The following TMTC1 variants were observed in gnomAD, a reference collection of about 807,000 sequenced individuals.
TMTC1 encodes the protein protein O-mannosyl-transferase TMTC1.
TMTC1 carries 73 observed loss-of-function variants against 104.8 expected under a neutral mutation model. That is an observed-to-expected ratio of 0.70 (90% CI 0.58 to 0.85). The LOEUF is 0.85. Among genes scored for constraint, TMTC1 ranks in the 40% least tolerant of loss-of-function variants. The pLI is 0.00. For missense variants in TMTC1, 1,035 were observed against 1,096.1 expected (o/e 0.94, Z 0.79); for synonymous variants, 434 against 428.7 (o/e 1.01, Z -0.15).
At chr12:29,674,588 C>T (rs1940650248) in intron 5 of TMTC1, among the ~76,000 whole-genome samples, 2 of 152,336 alleles carry the variant, frequency 1.3e-5, no homozygotes, top group Admixed American at 1.3e-4. Context: ...ACTCTTCTTG[C>T]TGACGGGACT....
intron 10 of TMTC1, among the ~76,000 whole-genome samples, 191 bp downstream of exon 10, chr12:29,556,666 C>T (rs931750997): frequency 2.0e-5 from 3 of 152,162 alleles, no homozygotes; most frequent in African/African-American, 7.2e-5. Context: ...CAGAAAGACA[C>T]TCTGGGAAAT....
rs562051504 is a variant in TMTC1, at chr12:29,737,139, G to A, written c.938+14527C>T. ...ATGACTTTCTGAAAAGTGCTGAGCC[G>A]GGTGCTCTGAACAGAGACATCCTAT... On this transcript the variant is annotated intron_variant, in intron 5 of 17. Coordinates refer to ENST00000539277, the MANE Select transcript of TMTC1 (RefSeq NM_001193451.2). Among the ~76,000 whole-genome samples the A allele has an allele frequency of 1.3e-4, 20 of 152,322 alleles. No homozygotes were observed. In the South Asian group the frequency reaches 2.7e-3, roughly 20 times the overall value.
chr12:29,517,513 T>G lies in TMTC1; in HGVS notation c.2083A>C (p.Asn695His). Reference protein sequence around the residue: ...ILSPLGALYYNTGRYEEALQI... With the variant: ...ILSPLGALYYHTGRYEEALQI... ...AAAGCCTCTTCGTATCGGCCAGTGTTGTAATACAGTGCTCCCAAAGGTGAC... is the reference window on the plus strand; with the variant it reads ...AAAGCCTCTTCGTATCGGCCAGTGTGGTAATACAGTGCTCCCAAAGGTGAC... Residue 695 changes from asparagine to histidine, a missense_variant, in exon 14 of 18, where the codon AAC (asparagine) becomes CAC (histidine). Physicochemically the swap from Asn to His is moderately conservative, Grantham distance 68 (BLOSUM62 1). Transcript: ENST00000539277. 6.2e-7 allele frequency: 1 copy of G among 1,614,172 alleles called. No homozygotes were observed. The highest frequency in any genetic ancestry group is 8.5e-7 in the Non-Finnish European group (1 of 1,180,026).
rs111725518 is a variant in TMTC1 at position 29,518,625 on chromosome 12, T to C, written c.1889-18A>G. On this transcript the variant is annotated intron_variant, in intron 12 of 17. Coordinates refer to ENST00000539277, the MANE Select transcript of TMTC1 (RefSeq NM_001193451.2). Reference sequence around the variant, plus strand: ...TGGTAAGCCTGTAACCAGTGACAGGTTGGTAAGAGCAGAACATGCCTTTTT... The same window carrying C: ...TGGTAAGCCTGTAACCAGTGACAGGCTGGTAAGAGCAGAACATGCCTTTTT... The C allele has an allele frequency of 9.2e-5, 148 of 1,613,462 alleles. 1 individual carries two copies. The highest frequency in any genetic ancestry group is 1.3e-4 in the Non-Finnish European group (148 of 1,179,714).
Position 29,692,500 on chromosome 12 carries a change from G to A in TMTC1, c.939-59164C>T, listed in dbSNP as rs1485012988. 5.5e-5 allele frequency among the ~76,000 whole-genome samples: 8 copies of A among 145,014 alleles called. 3 individuals carry two copies. The highest frequency in any genetic ancestry group is 2.0e-4 in the African/African-American group (8 of 39,584). ...CATAATCAAAGAGGTAGACAATAAG[G>A]AGTACTGGTGAAAATGTGGGGAAAC... On this transcript the variant is annotated intron_variant, in intron 5 of 17. Coordinates refer to ENST00000539277, the MANE Select transcript of TMTC1 (RefSeq NM_001193451.2).
At chr12:29,523,788 CG>C (rs1944255578) in intron 11 of TMTC1, among the ~76,000 whole-genome samples, 1 of 151,986 alleles carries the variant, frequency 6.6e-6, no homozygotes, top group Non-Finnish European at 1.5e-5. Context: ...AAAGAAAATT[CG>C]CGTCTATTTT....
intron 2 of TMTC1, among the ~76,000 whole-genome samples, chr12:29,762,968 G>GCTGTTGAGCCTAGCT (rs1943386266): frequency 6.6e-6 from 1 of 152,240 alleles, no homozygotes; most frequent in Non-Finnish European, 1.5e-5. Flanking sequence ...TAGCTCTCTA[G>GCTGTTGAGCCTAGCT]CAACAGTCTT....
Position 29,752,014 on chromosome 12 carries a change from T to C in TMTC1, c.732-142A>G, listed in dbSNP as rs1024026864. ...AAGTCTTTAGCCCTTGTGTTTCTGA[T>C]ATTTACTGCCATATTATTAAAACAA... On this transcript the variant is annotated intron_variant, in intron 4 of 17. Coordinates refer to ENST00000539277, the MANE Select transcript of TMTC1 (RefSeq NM_001193451.2). 78 of 753,746 alleles carry C rather than the reference T, an allele frequency of 1.0e-4. No homozygotes were observed. In the Admixed American group the frequency reaches 1.7e-3, roughly 17 times the overall value. The allele number at this position is 753,746 out of a possible 1,614,324, so 46.7% of individuals were successfully genotyped here.
At chr12:29,760,271 T>A (rs1371195290) in intron 2 of TMTC1, among the ~76,000 whole-genome samples, 2 of 152,206 alleles carry the variant, frequency 1.3e-5, no homozygotes, top group African/African-American at 4.8e-5. Context: ...TACATACATA[T>A]ATACAGCAAG....
chr12:29,690,599 A>G (rs190834695), intron 5 of TMTC1, among the ~76,000 whole-genome samples: 3 of 152,226 alleles, frequency 2.0e-5, no homozygotes, highest in South Asian at 4.1e-4. Flanking sequence ...ACTCATTTTT[A>G]TATGTAAATT....
intron 5 of TMTC1, among the ~76,000 whole-genome samples, chr12:29,648,165 T>A (rs566648919): frequency 1.3e-5 from 2 of 152,280 alleles, no homozygotes; most frequent in South Asian, 2.1e-4. Flanking sequence ...ATCTATTCCA[T>A]CACTTTTCAA....
intron 5 of TMTC1, among the ~76,000 whole-genome samples, chr12:29,710,634 AT>A (rs1432399583): frequency 7.1e-6 from 1 of 141,392 alleles, no homozygotes; most frequent in Non-Finnish European, 1.5e-5. Context: ...ATATTTTTAT[AT>A]TTATGTTATA....
At chr12:29,515,614 G>A (rs1186474744) in intron 15 of TMTC1, among the ~76,000 whole-genome samples, 1 of 152,090 alleles carries the variant, frequency 6.6e-6, no homozygotes, top group Non-Finnish European at 1.5e-5. Flanking sequence ...AGACTCATCG[G>A]GTCCCCTGAT....
intron 5 of TMTC1, among the ~76,000 whole-genome samples, chr12:29,718,493 T>TGAA (rs1942145250): frequency 6.6e-6 from 1 of 152,310 alleles, no homozygotes; most frequent in African/African-American, 2.4e-5. Flanking sequence ...CCTACATGTG[T>TGAA]GAAGCAGAAC....
In TMTC1 at chr12:29,633,423, C is replaced by A. The variant is rs536042022; in HGVS notation, c.939-87G>T. 90 of 1,075,336 alleles carry A rather than the reference C, an allele frequency of 8.4e-5. No individual in the cohort carries two copies. In the African/African-American group the frequency reaches 1.4e-3, roughly 16 times the overall value. The allele number at this position is 1,075,336 out of a possible 1,614,324, so 66.6% of individuals were successfully genotyped here. On this transcript the variant is annotated intron_variant, in intron 5 of 17. Transcript: ENST00000539277. ...CAGTCACCATATTTTTATTAAATAG[C>A]ATTTCTACCCAGTCAATGTTATCTT...
At chr12:29,545,676 CGGATAG>C (rs1944925354) in intron 10 of TMTC1, among the ~76,000 whole-genome samples, 2 of 137,844 alleles carry the variant, frequency 1.5e-5, no homozygotes, top group Non-Finnish European at 3.1e-5. Context: ...CACACACACA[CGGATAG>C]AAACTAAGCC....
Sources: gnomAD v4.1 joint callset for allele counts (sites outside exome capture counted in the v4.1 genomes callset) on GRCh38, gnomAD v4.1.1 for gene constraint, MANE v1.5 for transcripts, NCBI Gene and HGNC (gene_info 2026-07-23, HGNC 2026-07-21) for gene names.